The following NUP155 variants were observed in gnomAD, a reference collection of about 807,000 sequenced individuals.
NUP155 encodes nucleoporin 155, also known as nuclear pore complex protein Nup155.
A neutral mutation model predicts 180.4 loss-of-function variants in NUP155; 71 were observed. The observed-to-expected ratio is 0.39, with a 90% confidence interval of 0.33 to 0.48. NUP155 has a LOEUF of 0.48. Among genes scored for constraint, NUP155 ranks in the 20% least tolerant of loss-of-function variants. The probability of loss-of-function intolerance (pLI) is 0.91; values close to 1 mark genes in which losing one functional copy is unlikely to be tolerated. For synonymous variants in NUP155, 582 were observed against 559.5 expected (o/e 1.04, Z -0.57); for missense variants, 1,553 against 1,648.9 (o/e 0.94, Z 1.01).
intron 15 of NUP155, 114 bp from the exon 16 acceptor site, chr5:37,329,392 A>C (rs1744813625): frequency 2.6e-6 from 2 of 768,014 alleles, no homozygotes; most frequent in Non-Finnish European, 4.7e-6. Context: ...AACATTAGAG[A>C]CTTCAATGTA....
rs192500048 is a variant in NUP155, at chr5:37,328,375, A to C, written c.1859T>G (p.Leu620Trp). 19 of 1,608,490 alleles carry C rather than the reference A, an allele frequency of 1.2e-5. No individual in the cohort carries two copies. In the South Asian group the frequency reaches 1.2e-4, roughly 10 times the overall value. Residue 620 changes from leucine (L) to tryptophan (W), a missense_variant, in exon 17 of 35, where the codon TTG (leucine) becomes TGG (tryptophan). Leu to Trp is a moderately conservative substitution (Grantham distance 61). Transcript: ENST00000231498. ...SGSPYPNPSF[L>W]GTPSHGIQPP... ...AGAGGTACCATGAGACGGTGTTCCC[A>C]AAAAGGATGGATTTGGATAGGGACT... is the stretch of plus-strand genomic sequence containing the variant.
intron 33 of NUP155, 102 bp from the exon 34 acceptor site, chr5:37,293,087 C>T (rs1449611080): frequency 2.1e-5 from 17 of 796,356 alleles, no homozygotes; most frequent in East Asian, 2.0e-4. Context: ...CAAAACTTAT[C>T]GCTATTAAAA....
At chr5:37,356,433 A>C (rs1746836280) in intron 4 of NUP155, among the ~76,000 whole-genome samples, 1 of 151,998 alleles carries the variant, frequency 6.6e-6, no homozygotes, top group South Asian at 2.1e-4. Context: ...ACCTGAGGTC[A>C]GGAGTTCGAA....
chr5:37,317,027 G>C (rs539707084), intron 21 of NUP155, among the ~76,000 whole-genome samples: 1 of 150,942 alleles, frequency 6.6e-6, no homozygotes, highest in East Asian at 2.0e-4. Flanking sequence ...AAATTAGCCA[G>C]GTGTGGTGGC....
At chr5:37,353,699 A>G (rs1291555130) in intron 4 of NUP155, among the ~76,000 whole-genome samples, 2 of 152,234 alleles carry the variant, frequency 1.3e-5, no homozygotes, top group Non-Finnish European at 2.9e-5. Context: ...TGACCAATAT[A>G]GTACCATATG....
intron 9 of NUP155, among the ~76,000 whole-genome samples, chr5:37,345,763 G>A (rs1581191615): frequency 6.6e-6 from 1 of 151,900 alleles, no homozygotes; most frequent in South Asian, 2.1e-4. Context: ...AATTAGCCAG[G>A]CACAGTGGTG....
At chr5:37,325,877 C>T in intron 19 of NUP155, 24 bp downstream of exon 19, 1 of 1,492,994 alleles carries the variant, frequency 6.7e-7, no homozygotes, top group Non-Finnish European at 9.3e-7. Flanking sequence ...ACAAAAATAA[C>T]AAAATAATAT....
At chr5:37,370,537 A>G in intron 1 of NUP155, 1 of 757,320 alleles carries the variant, frequency 1.3e-6, no homozygotes, top group South Asian at 1.9e-5. Context: ...CTTAGCCATA[A>G]GCACTTGAGA....
At chr5:37,326,506 T>C (rs1054441863) in intron 18 of NUP155, among the ~76,000 whole-genome samples, 1 of 152,184 alleles carries the variant, frequency 6.6e-6, no homozygotes, top group Admixed American at 6.6e-5. Context: ...GAAAAGTGCA[T>C]GGTAAGCCAG....
At chr5:37,294,288 A>G in intron 33 of NUP155, 41 bp downstream of exon 33, 1 of 1,369,236 alleles carries the variant, frequency 7.3e-7, no homozygotes, top group Non-Finnish European at 1.0e-6. Flanking sequence ...AGTTACTTTA[A>G]TTAAAGAAAA....
chr5:37,325,598 A>C (rs1005420666), intron 19 of NUP155, among the ~76,000 whole-genome samples: 2 of 151,312 alleles, frequency 1.3e-5, no homozygotes, highest in East Asian at 2.0e-4. Flanking sequence ...GTGAAACCCT[A>C]TCTCTACAAA....
intron 4 of NUP155, among the ~76,000 whole-genome samples, chr5:37,353,864 T>C (rs1045827311): frequency 3.3e-5 from 5 of 152,164 alleles, no homozygotes; most frequent in African/African-American, 1.2e-4. Flanking sequence ...ATATAGATGG[T>C]GGTGAAGTTT....
chr5:37,362,798 T>C (rs946867987), intron 3 of NUP155, among the ~76,000 whole-genome samples: 1 of 152,198 alleles, frequency 6.6e-6, no homozygotes. Context: ...ATTACAACTA[T>C]TACATTTCAA....
intron 14 of NUP155, among the ~76,000 whole-genome samples, chr5:37,330,632 T>C (rs185972089): frequency 4.5e-4 from 69 of 152,288 alleles, no homozygotes; most frequent in Admixed American, 7.9e-4. Context: ...AACTTTGAAC[T>C]ACTCCCAATT....
At position 37,320,116 on chromosome 5, in the gene NUP155, AT is replaced by A. The variant is rs549986805; in HGVS notation, c.2208-2032del. 5.9e-5 allele frequency among the ~76,000 whole-genome samples: 9 copies of A among 152,110 alleles called. No homozygotes were observed. The South Asian group carries it at 1.7e-3, about 28-fold the overall frequency. ...TGAGATTGCAGGGAATAATGATCACATCACTGCACTCCAGCCTCAATGACAG... is the reference window on the plus strand; with the variant it reads ...TGAGATTGCAGGGAATAATGATCACACACTGCACTCCAGCCTCAATGACAG... On this transcript the variant is annotated intron_variant, in intron 20 of 34. Coordinates refer to ENST00000231498, the MANE Select transcript of NUP155 (RefSeq NM_153485.3).
At chr5:37,341,033 A>G (rs1745682757) in intron 11 of NUP155, 57 bp downstream of exon 11, 2 of 1,393,322 alleles carry the variant, frequency 1.4e-6, no homozygotes, top group Admixed American at 3.6e-5. Context: ...ACAACACCAT[A>G]TAATTTTAAC....
intron 20 of NUP155, among the ~76,000 whole-genome samples, chr5:37,318,392 C>T (rs1289505989): frequency 6.6e-6 from 1 of 151,200 alleles, no homozygotes; most frequent in South Asian, 2.1e-4. Flanking sequence ...AAGGAAATTA[C>T]GGAAGAGAAG....
chr5:37,318,894 C>T (rs1208833961), intron 20 of NUP155, among the ~76,000 whole-genome samples: 1 of 152,130 alleles, frequency 6.6e-6, no homozygotes, highest in African/African-American at 2.4e-5. Context: ...GAGAATCATA[C>T]AGATAATGTA....
In NUP155 at chr5:37,290,384, G is replaced by T. The variant is rs1365302015; in HGVS notation, c.*1516C>A. 1 of 151,880 alleles carries T rather than the reference G, an allele frequency of 6.6e-6. No homozygotes were observed. The highest frequency in any genetic ancestry group is 2.4e-5 in the African/African-American group (1 of 41,288). 9.4% of individuals were successfully genotyped at this position (151,880 alleles called of 1,614,324 possible). ...CCCAGCTACTCGAGAGGCTGAGGCA[G>T]GCAAATTGCTTCAAACCTGTGAGGC... is the stretch of plus-strand genomic sequence containing the variant. On this transcript the variant is annotated 3_prime_UTR_variant, in exon 35 of 35. Transcript: ENST00000231498.
Sources: allele counts gnomAD v4.1 joint callset (sites outside exome capture counted in the v4.1 genomes callset), GRCh38; gene constraint gnomAD v4.1.1; transcripts MANE v1.5; gene names NCBI Gene and HGNC (gene_info 2026-07-23, HGNC 2026-07-21).